The following KBTBD3 variants were observed in gnomAD, a reference collection of about 807,000 sequenced individuals.
The protein encoded by KBTBD3 is kelch repeat and BTB domain containing 3.
A neutral mutation model predicts 49.6 loss-of-function variants in KBTBD3; 38 were observed. The ratio of observed to expected loss-of-function variants is 0.77; its 90% confidence interval spans 0.59 to 1.00. The LOEUF (loss-of-function observed/expected upper bound fraction) is 1.00. Ranked by LOEUF, KBTBD3 falls within the 50% of genes least tolerant of loss-of-function variation. The pLI, the probability that KBTBD3 is intolerant of heterozygous loss-of-function variation, is 0.00. For missense variants in KBTBD3, 661 were observed against 712.0 expected, an observed-to-expected ratio of 0.93 and a Z score of 0.81; for synonymous variants, 214 against 250.4, an observed-to-expected ratio of 0.85 and a Z score of 1.37.
At position 106,051,470 on chromosome 11, in the gene KBTBD3, G is replaced by A. The variant is rs1366954335; in HGVS notation, c.*1380C>T. Reference sequence around the variant, plus strand: ...ATAAAATAAGAGAATCTTCATTTAGGTGTATTTCTACTTAGGAACACACTT... The same window carrying A: ...ATAAAATAAGAGAATCTTCATTTAGATGTATTTCTACTTAGGAACACACTT... On this transcript the variant is annotated 3_prime_UTR_variant, in exon 4 of 4. Coordinates refer to ENST00000531837, the MANE Select transcript of KBTBD3 (RefSeq NM_198439.3). 6.6e-6 allele frequency: 1 copy of A among 151,934 alleles called. No homozygotes were observed. Among genetic ancestry groups the A allele is most frequent in the East Asian group, 1.9e-4 (1 of 5,168 alleles). The allele number at this position is 151,934 out of a possible 1,614,324, so 9.4% of individuals were successfully genotyped here. A position where few individuals can be genotyped will look rare whatever the true frequency, so the allele number is the denominator to read the frequency against.
At chr11:106,061,257 G>C (rs1347764315) in intron 2 of KBTBD3, among the ~76,000 whole-genome samples, 1 of 152,182 alleles carries the variant, frequency 6.6e-6, no homozygotes, top group Non-Finnish European at 1.5e-5. Context: ...TTGTCCTACA[G>C]CATCAATTAA....
intron 2 of KBTBD3, among the ~76,000 whole-genome samples, chr11:106,072,326 C>A (rs1227360567): frequency 6.7e-6 from 1 of 149,780 alleles, no homozygotes; most frequent in Non-Finnish European, 1.5e-5. Context: ...GAATTTTGCT[C>A]ATATTGTTCT....
Position 106,052,755 on chromosome 11 carries a change from T to C in KBTBD3, c.*95A>G. 1.1e-6 allele frequency: 1 copy of C among 950,190 alleles called. No individual in the cohort carries two copies. The highest frequency in any genetic ancestry group is 1.7e-5 in the South Asian group (1 of 59,730). The allele number at this position is 950,190 out of a possible 1,614,324, so 58.9% of individuals were successfully genotyped here. A position where few individuals can be genotyped will look rare whatever the true frequency, so the allele number is the denominator to read the frequency against. On this transcript the variant is annotated 3_prime_UTR_variant, in exon 4 of 4. Transcript: ENST00000531837. ...CATACATAATAACTAAAAGCAGGAA[T>C]GTTTTATTTCATTAAGATGTATAGA...
chr11:106,076,326 T>C (rs1861028424), intron 2 of KBTBD3, 181 bp downstream of exon 2: 1 of 152,244 alleles, frequency 6.6e-6, no homozygotes, highest in Non-Finnish European at 1.5e-5. Flanking sequence ...TAATTCGTTT[T>C]ACTGTCCTTT....
intron 2 of KBTBD3, among the ~76,000 whole-genome samples, chr11:106,068,029 G>C (rs1860841995): frequency 1.4e-5 from 2 of 139,690 alleles, no homozygotes. Flanking sequence ...ATTATGTAAT[G>C]CCCATCCACC....
At chr11:106,076,022 A>C (rs1008496607) in intron 2 of KBTBD3, 1 of 152,250 alleles carries the variant, frequency 6.6e-6, no homozygotes, top group African/African-American at 2.4e-5. Flanking sequence ...AATAACGTAC[A>C]CAGAAGTGTT....
chr11:106,056,983 A>G (rs1860566282), intron 3 of KBTBD3, among the ~76,000 whole-genome samples: 1 of 152,184 alleles, frequency 6.6e-6, no homozygotes, highest in African/African-American at 2.4e-5. Context: ...AACAACTTTG[A>G]TTAACTGAGA....
rs1433656057 is a variant in KBTBD3 at position 106,053,221 on chromosome 11, C to T, written c.1468G>A (p.Val490Ile). The part of the protein sequence containing the change: ...NATTDQWSEL[V>I]AEFGQFFHAT... ...TGAAAAAATTGCCCAAACTCTGCTA[C>T]TAGTTCAGACCACTGATCAGTTGTA... The change falls in exon 4 of 4, where the codon GTA becomes ATA. Residue 490 changes from valine to isoleucine, a missense_variant. By Grantham distance (29) the Val-to-Ile change is conservative. Transcript: ENST00000531837. The T allele has an allele frequency of 1.9e-6, 3 of 1,613,550 alleles. No homozygotes were observed. Among genetic ancestry groups the T allele is most frequent in the East Asian group, 4.5e-5 (2 of 44,878 alleles).
intron 1 of KBTBD3, 120 bp downstream of exon 1, chr11:106,077,192 C>G (rs1462067381): frequency 6.2e-6 from 1 of 160,920 alleles, no homozygotes; most frequent in Non-Finnish European, 1.4e-5. Flanking sequence ...TCTCGTGCCC[C>G]GTACACGAAG....
Position 106,054,337 on chromosome 11 carries a change from T to C in KBTBD3, c.352A>G (p.Thr118Ala). ...AAGAACATTTCCACATTATCATCTG[T>C]TATTTTTGTTTTTCCAGTATAGGCA... is the stretch of plus-strand genomic sequence containing the variant. ...DYAYTGKTKI[T>A]DDNVEMFFQL... Residue 118 changes from threonine (T) to alanine (A), a missense_variant, in exon 4 of 4, where the codon ACA becomes GCA. Physicochemically the swap from Thr to Ala is moderately conservative, Grantham distance 58. Transcript: ENST00000531837. The C allele has an allele frequency of 6.2e-7, 1 of 1,613,328 alleles. No individual in the cohort carries two copies. The highest frequency in any genetic ancestry group is 8.5e-7 in the Non-Finnish European group (1 of 1,179,632).
At chr11:106,070,339 T>G (rs1327296920) in intron 2 of KBTBD3, among the ~76,000 whole-genome samples, 1 of 151,962 alleles carries the variant, frequency 6.6e-6, no homozygotes, top group East Asian at 1.9e-4. Context: ...GAAAAAAATA[T>G]TTGCAAACTG....
In KBTBD3 at chr11:106,053,078, A is replaced by G. The variant is rs1214271824; in HGVS notation, c.1611T>C (p.Phe537=). 1 of 1,613,768 alleles carries G rather than the reference A, an allele frequency of 6.2e-7. No individual in the cohort carries two copies. Residue 537 remains phenylalanine, a synonymous_variant, in exon 4 of 4, where the codon TTT becomes TTC. Coordinates refer to ENST00000531837, the MANE Select transcript of KBTBD3 (RefSeq NM_198439.3). ...CACCTGCATTAAAGCCTGCACACTC[A>G]AAAGATCCTTCGCCTTTCCAAACAC... is the stretch of plus-strand genomic sequence containing the variant. ...DTCVWKGEGS[F]ECAGFNAGAI...
intron 2 of KBTBD3, among the ~76,000 whole-genome samples, chr11:106,060,498 A>G (rs1860666872): frequency 1.3e-5 from 2 of 152,190 alleles, no homozygotes; most frequent in South Asian, 4.1e-4. Flanking sequence ...CACATTTACA[A>G]CCATCTGATC....
intron 3 of KBTBD3, chr11:106,057,769 G>A: frequency 1.2e-5 from 4 of 321,308 alleles, no homozygotes; most frequent in Non-Finnish European, 1.7e-5. Flanking sequence ...TATAAGGAGA[G>A]GATGAATTTG....
chr11:106,056,551 G>T (rs1361315280), intron 3 of KBTBD3, among the ~76,000 whole-genome samples: 1 of 152,160 alleles, frequency 6.6e-6, no homozygotes, highest in African/African-American at 2.4e-5. Context: ...TTTTTGCTAG[G>T]TTTAGAAATA....
chr11:106,073,258 C>CTTTTTTTT (rs374062847), intron 2 of KBTBD3, among the ~76,000 whole-genome samples: 6 of 113,082 alleles, frequency 5.3e-5, no homozygotes, highest in Non-Finnish European at 1.0e-4. Context: ...GCACACTCAG[C>CTTTTTTTT]TTTTTTTTTT....
intron 3 of KBTBD3, 90 bp from the exon 4 acceptor site, chr11:106,054,545 G>T: frequency 3.4e-6 from 3 of 881,212 alleles, no homozygotes; most frequent in Non-Finnish European, 3.1e-6. Flanking sequence ...CCTTACTCTT[G>T]ACTTAAATAT....
At position 106,052,774 on chromosome 11, in the gene KBTBD3, G is replaced by T; in HGVS notation, c.*76C>A. On this transcript the variant is annotated 3_prime_UTR_variant, in exon 4 of 4. Coordinates refer to ENST00000531837, the MANE Select transcript of KBTBD3 (RefSeq NM_198439.3). ...CAGGAATGTTTTATTTCATTAAGATGTATAGATCTTTTTACCTATCATTTT... is the reference window on the plus strand; with the variant it reads ...CAGGAATGTTTTATTTCATTAAGATTTATAGATCTTTTTACCTATCATTTT... 1 of 1,103,160 alleles carries T rather than the reference G, an allele frequency of 9.1e-7. No homozygotes were observed. The highest frequency in any genetic ancestry group is 1.3e-6 in the Non-Finnish European group (1 of 759,146). The allele number at this position is 1,103,160 out of a possible 1,614,324, so 68.3% of individuals were successfully genotyped here.
At position 106,052,606 on chromosome 11, in the gene KBTBD3, T is replaced by C. The variant is rs1301376466; in HGVS notation, c.*244A>G. 2.5e-6 allele frequency: 1 copy of C among 400,602 alleles called. No individual in the cohort carries two copies. Among genetic ancestry groups the C allele is most frequent in the African/African-American group, 2.1e-5 (1 of 48,692 alleles). 24.8% of individuals were successfully genotyped at this position (400,602 alleles called of 1,614,324 possible). ...TCAAAGTGTCAGAGTCTATGATTTGTAGTTTCATGTGAAAATACTAAGTAT... is the reference window on the plus strand; with the variant it reads ...TCAAAGTGTCAGAGTCTATGATTTGCAGTTTCATGTGAAAATACTAAGTAT... On this transcript the variant is annotated 3_prime_UTR_variant, in exon 4 of 4. Coordinates refer to ENST00000531837, the MANE Select transcript of KBTBD3 (RefSeq NM_198439.3).
Sources: allele counts gnomAD v4.1 joint callset (sites outside exome capture counted in the v4.1 genomes callset), GRCh38; gene constraint gnomAD v4.1.1; transcripts MANE v1.5; gene names NCBI Gene and HGNC (gene_info 2026-07-23, HGNC 2026-07-21).